Variants in TRAPPC8 observed in about 807,000 individuals in gnomAD.
The protein encoded by TRAPPC8 is trafficking protein particle complex subunit 8, also known as general sporulation gene 1 homolog.
In TRAPPC8, 54 loss-of-function variants were observed where a neutral mutation model predicts 174.3. The observed-to-expected ratio is 0.31, with a 90% confidence interval of 0.25 to 0.39. The LOEUF (loss-of-function observed/expected upper bound fraction) is 0.39, where lower values mean the gene tolerates loss of function less well. Among genes scored for constraint, TRAPPC8 ranks in the 10% least tolerant of loss-of-function variants. The probability of loss-of-function intolerance (pLI) is 1.00; values close to 1 mark genes in which losing one functional copy is unlikely to be tolerated. For missense variants in TRAPPC8, 1,531 were observed against 1,699.1 expected, an observed-to-expected ratio of 0.90 and a Z score of 1.74; for synonymous variants, 630 against 579.9, an observed-to-expected ratio of 1.09 and a Z score of -1.24.
intron 24 of TRAPPC8, among the ~76,000 whole-genome samples, chr18:31,850,646 A>T (rs2033660405): frequency 6.6e-6 from 1 of 152,218 alleles, no homozygotes; most frequent in Admixed American, 6.5e-5. Context: ...CTTCAAGTTA[A>T]TTATTAAATA....
intron 9 of TRAPPC8, among the ~76,000 whole-genome samples, chr18:31,905,570 C>T (rs1208887623): frequency 6.6e-6 from 1 of 152,178 alleles, no homozygotes; most frequent in Admixed American, 6.5e-5. Flanking sequence ...GTATCCTCAG[C>T]CATGCTAAGC....
At chr18:31,940,151 T>C (rs2038267711) in intron 1 of TRAPPC8, among the ~76,000 whole-genome samples, 1 of 152,222 alleles carries the variant, frequency 6.6e-6, no homozygotes, top group Non-Finnish European at 1.5e-5. Context: ...AGTAACATTT[T>C]GGAAATACTG....
chr18:31,883,539 T>C (rs1302072450), intron 12 of TRAPPC8: 3 of 152,762 alleles, frequency 2.0e-5, no homozygotes, highest in East Asian at 1.9e-4. Context: ...TCACAATTCA[T>C]GGGGATAGCT....
chr18:31,919,091 A>AATTTG (rs2037266115), intron 2 of TRAPPC8, among the ~76,000 whole-genome samples: 1 of 152,196 alleles, frequency 6.6e-6, no homozygotes, highest in Non-Finnish European at 1.5e-5. Context: ...TGCCAAATAT[A>AATTTG]CAGATATTTT....
At position 31,936,719 on chromosome 18, in the gene TRAPPC8, T is replaced by C. The variant is rs139762701; in HGVS notation, c.158-5196A>G. On this transcript the variant is annotated intron_variant, in intron 1 of 28. Transcript: ENST00000283351. The stretch of plus-strand genomic sequence containing the variant: ...GAGTTCGAGACTAGCCTGGCCAACA[T>C]AGCAAAACCCTGTCTCTACTAACAA... Among the ~76,000 whole-genome samples, 457 of 150,146 alleles carry C rather than the reference T, an allele frequency of 3.0e-3. 2 individuals carry two copies. The highest frequency in any genetic ancestry group is 9.8e-3 in the African/African-American group (397 of 40,632).
intron 1 of TRAPPC8, among the ~76,000 whole-genome samples, chr18:31,935,591 C>A (rs1389828864): frequency 7.4e-6 from 1 of 134,594 alleles, no homozygotes; most frequent in East Asian, 2.2e-4. Flanking sequence ...AACAAGCCTG[C>A]GATTATAGGC....
intron 2 of TRAPPC8, among the ~76,000 whole-genome samples, chr18:31,926,119 TC>T (rs2037604402): frequency 6.6e-6 from 1 of 152,160 alleles, no homozygotes; most frequent in Non-Finnish European, 1.5e-5. Context: ...AGCTTTTATT[TC>T]ATTATATTCT....
At chr18:31,924,298 A>G (rs796681183) in intron 2 of TRAPPC8, among the ~76,000 whole-genome samples, 1 of 148,978 alleles carries the variant, frequency 6.7e-6, no homozygotes, top group Non-Finnish European at 1.5e-5. Context: ...AAAAAAAAAT[A>G]CAAAAATTAG....
intron 2 of TRAPPC8, among the ~76,000 whole-genome samples, chr18:31,921,990 CA>C (rs1406668844): frequency 1.3e-5 from 2 of 151,974 alleles, no homozygotes; most frequent in Admixed American, 1.3e-4. Context: ...CTCTTTAAGA[CA>C]AAAGAAGAAT....
At chr18:31,870,528 T>C (rs1457311270) in intron 15 of TRAPPC8, 26 bp from the exon 16 acceptor site, 1 of 1,588,172 alleles carries the variant, frequency 6.3e-7, no homozygotes, top group Non-Finnish European at 8.6e-7. Flanking sequence ...CCTAAATTAA[T>C]AACTTTAATA....
At chr18:31,867,990 A>G (rs762447960) in intron 16 of TRAPPC8, among the ~76,000 whole-genome samples, 30 of 152,182 alleles carry the variant, frequency 2.0e-4, no homozygotes, top group Non-Finnish European at 3.4e-4. Flanking sequence ...TAATCTTACA[A>G]TAATAGCAAA....
chr18:31,835,710 G>A (rs2032673281), intron 27 of TRAPPC8, among the ~76,000 whole-genome samples: 1 of 152,156 alleles, frequency 6.6e-6, no homozygotes, highest in African/African-American at 2.4e-5. Flanking sequence ...TGGTAACTGT[G>A]AGTACTGCTT....
Position 31,866,988 on chromosome 18 carries a change from T to C in TRAPPC8, c.2464-13A>G. 2 of 1,612,190 alleles carry C rather than the reference T, an allele frequency of 1.2e-6. No individual in the cohort carries two copies. The highest frequency in any genetic ancestry group is 1.7e-6 in the Non-Finnish European group (2 of 1,179,124). ...GCTTTAGTCTTGCCTGTGGAGATATTTAAGTCAGTCTTATTATGTTTTCAT... is the reference window on the plus strand; with the variant it reads ...GCTTTAGTCTTGCCTGTGGAGATATCTAAGTCAGTCTTATTATGTTTTCAT... On this transcript the variant is annotated splice_polypyrimidine_tract_variant and intron_variant, in intron 17 of 28. Transcript: ENST00000283351.
At chr18:31,835,667 C>T (rs1305271058) in intron 27 of TRAPPC8, among the ~76,000 whole-genome samples, 4 of 152,200 alleles carry the variant, frequency 2.6e-5, no homozygotes, top group Non-Finnish European at 4.4e-5. Flanking sequence ...TCACTTGATC[C>T]TTCATTTCAA....
At chr18:31,916,125 C>A in intron 4 of TRAPPC8, 147 bp downstream of exon 4, 37 of 463,474 alleles carry the variant, frequency 8.0e-5, no homozygotes, top group South Asian at 4.2e-4. Context: ...CAGGATAAAA[C>A]ATAAAGTTAA....
chr18:31,927,566 T>A (rs1313049450), intron 2 of TRAPPC8, among the ~76,000 whole-genome samples: 2 of 151,956 alleles, frequency 1.3e-5, no homozygotes, highest in Non-Finnish European at 2.9e-5. Flanking sequence ...TACCAGCTAA[T>A]TTTTTTTAAA....
intron 2 of TRAPPC8, chr18:31,926,709 G>A (rs1238210964): frequency 6.6e-6 from 1 of 152,140 alleles, no homozygotes; most frequent in East Asian, 1.9e-4. Context: ...TTACAGGCGT[G>A]AGCCACCACA....
At chr18:31,918,511 G>A (rs2037243374) in intron 2 of TRAPPC8, among the ~76,000 whole-genome samples, 2 of 152,160 alleles carry the variant, frequency 1.3e-5, no homozygotes, top group South Asian at 4.1e-4. Flanking sequence ...GGTGGCTTAT[G>A]CTACTGGCAT....
At chr18:31,934,596 A>G (rs2037997744) in intron 1 of TRAPPC8, among the ~76,000 whole-genome samples, 1 of 152,170 alleles carries the variant, frequency 6.6e-6, no homozygotes, top group Non-Finnish European at 1.5e-5. Flanking sequence ...AGCTGGGCGC[A>G]GTGGCTCACA....
Sources: allele counts gnomAD v4.1 joint callset (sites outside exome capture counted in the v4.1 genomes callset), GRCh38; gene constraint gnomAD v4.1.1; transcripts MANE v1.5; gene names NCBI Gene and HGNC (gene_info 2026-07-23, HGNC 2026-07-21).